Variants in PI16 observed in about 807,000 individuals in gnomAD.
PI16 encodes PSP94-binding protein.
In PI16, 35 loss-of-function variants were observed where a neutral mutation model predicts 38.0. The ratio of observed to expected loss-of-function variants is 0.92; its 90% CI spans 0.70 to 1.22. The LOEUF (loss-of-function observed/expected upper bound fraction) is 1.22. Among genes scored for constraint, PI16 ranks in the 50% most tolerant of loss-of-function variants. The pLI, the probability that PI16 is intolerant of heterozygous loss-of-function variation, is 0.00. For missense variants in PI16, 572 were observed against 593.8 expected (o/e 0.96, Z 0.38); for synonymous variants, 275 against 252.9 (o/e 1.09, Z -0.83).
Position 36,959,183 on chromosome 6 carries a change from CGCACG to C in PI16, c.214_218del (p.Arg72ValfsTer38), listed in dbSNP as rs1763282362. 1 of 1,610,924 alleles carries C rather than the reference CGCACG, an allele frequency of 6.2e-7. No homozygotes were observed. The highest frequency in any genetic ancestry group is 8.5e-7 in the Non-Finnish European group (1 of 1,179,278). On this transcript the variant is annotated frameshift_variant, in exon 2 of 7. Coordinates refer to ENST00000373674, the MANE Select transcript of PI16 (RefSeq NM_153370.3). LOFTEE classifies it high-confidence loss of function. ...AGCTGGCCGCCTTCGCCAAGGCCTACGCACGGCAGTGCGTGTGGGGCCACAACAAG... is the reference window on the plus strand; with the variant it reads ...AGCTGGCCGCCTTCGCCAAGGCCTACGCAGTGCGTGTGGGGCCACAACAAG...
At position 36,963,622 on chromosome 6, in the gene PI16, A is replaced by G. The variant is rs1461691790; in HGVS notation, c.1270+10A>G. ...CAGTCGTCCTTGCCAGGTAAGGCCC[A>G]TAGCATCTGTCCCACTTTCCTCCTG... is the stretch of plus-strand genomic sequence containing the variant. On this transcript the variant is annotated intron_variant, in intron 5 of 6. Coordinates refer to ENST00000373674, the MANE Select transcript of PI16 (RefSeq NM_153370.3). 1.2e-6 allele frequency: 2 copies of G among 1,610,876 alleles called. No homozygotes were observed. The highest frequency in any genetic ancestry group is 4.5e-5 in the East Asian group (2 of 44,860).
intron 2 of PI16, among the ~76,000 whole-genome samples, chr6:36,960,072 C>A (rs1024633646): frequency 6.6e-6 from 1 of 152,110 alleles, no homozygotes; most frequent in Non-Finnish European, 1.5e-5. Flanking sequence ...CCCTTAACTT[C>A]TCTCTGTGGC....
chr6:36,964,093 A>C lies in PI16; in HGVS notation c.*18+131A>C, dbSNP rs563023866. Reference sequence around the variant, plus strand: ...CCCCCCTTCACCCCAACTTCTGGCCAGATTCCAGGCCAGCACTCTTGTCCT... The same window carrying C: ...CCCCCCTTCACCCCAACTTCTGGCCCGATTCCAGGCCAGCACTCTTGTCCT... On this transcript the variant is annotated intron_variant, in intron 6 of 6. Transcript: ENST00000373674. The C allele has an allele frequency of 2.6e-6, 3 of 1,144,170 alleles. No individual in the cohort carries two copies. In the African/African-American group the frequency reaches 4.7e-5, roughly 18 times the overall value. The allele number at this position is 1,144,170 out of a possible 1,614,324, so 70.9% of individuals were successfully genotyped here. A position where few individuals can be genotyped will look rare whatever the true frequency, so the allele number is the denominator to read the frequency against.
At chr6:36,955,719 T>G (rs775220067) in intron 1 of PI16, among the ~76,000 whole-genome samples, 13 of 152,164 alleles carry the variant, frequency 8.5e-5, no homozygotes, top group Non-Finnish European at 1.9e-4. Flanking sequence ...TATGTCCTGG[T>G]GAAACACGCA....
rs1583240559 is a variant in PI16, at chr6:36,963,838, A to C, written c.1286A>C (p.Asp429Ala). Residue 429 changes from aspartate to alanine, a missense_variant, in exon 6 of 7, where the codon GAC becomes GCC. Asp to Ala is a moderately radical substitution (Grantham distance 126). Coordinates refer to ENST00000373674, the MANE Select transcript of PI16 (RefSeq NM_153370.3). ...CTTCCCACAGGTGCAGAGGGCCCTGACAAGCCTAGCGTCGTGTCAGGGCTG... is the reference window on the plus strand; with the variant it reads ...CTTCCCACAGGTGCAGAGGGCCCTGCCAAGCCTAGCGTCGTGTCAGGGCTG... ...QSSLPGAEGP[D>A]KPSVVSGLNS... The C allele has an allele frequency of 6.2e-7, 1 of 1,602,040 alleles. No homozygotes were observed.
At chr6:36,963,778 G>A (rs566535373) in intron 5 of PI16, 45 bp from the exon 6 acceptor site, 2 of 1,542,690 alleles carry the variant, frequency 1.3e-6, no homozygotes, top group African/African-American at 1.4e-5. Context: ...GGGACATCAG[G>A]CACAGCTGTC....
rs754397097 is a variant in PI16, at chr6:36,954,816, T to C, written c.56T>C (p.Val19Ala). The C allele has an allele frequency of 5.6e-6, 9 of 1,614,120 alleles. No homozygotes were observed. The highest frequency in any genetic ancestry group is 1.7e-4 in the Middle Eastern group (1 of 6,052). Residue 19 changes from valine (V) to alanine (A), a missense_variant, in exon 1 of 7, where the codon GTG (valine) becomes GCG (alanine). Val to Ala is a moderately conservative substitution (Grantham distance 64, BLOSUM62 0). Coordinates refer to ENST00000373674, the MANE Select transcript of PI16 (RefSeq NM_153370.3). ...CTGCTGCCGCTACTGCTACTGCTGG[T>C]GGCCACCACAGGCCCCGTTGGAGCC... ...MLLLPLLLLL[V>A]ATTGPVGALT...
chr6:36,961,793 G>C (rs1481699150), intron 3 of PI16, 93 bp from the exon 4 acceptor site: 1 of 1,152,514 alleles, frequency 8.7e-7, no homozygotes, highest in Non-Finnish European at 1.3e-6. Context: ...GGAGACCCAA[G>C]GGCATTTCCA....
chr6:36,963,026 G>A lies in PI16; in HGVS notation c.684G>A (p.Arg228=). The A allele has an allele frequency of 1.2e-6, 2 of 1,614,178 alleles. No homozygotes were observed. The highest frequency in any genetic ancestry group is 1.7e-6 in the Non-Finnish European group (2 of 1,180,024). The change falls in exon 5 of 7, where the codon AGG becomes AGA. Residue 228 remains arginine, a synonymous_variant. Coordinates refer to ENST00000373674, the MANE Select transcript of PI16 (RefSeq NM_153370.3). ...GGGCGACTGAAGCATCAGACTCTAG[G>A]AAAATGGGTACTCCTTCTTCCCTAG... is the stretch of plus-strand genomic sequence containing the variant. ...SFRATEASDS[R]KMGTPSSLAT...
chr6:36,963,509 C>CACTA lies in PI16; in HGVS notation c.1169_1170insTAAC (p.Gly391AsnfsTer20), dbSNP rs749653706. 6.2e-7 allele frequency: 1 copy of CACTA among 1,614,192 alleles called. No homozygotes were observed. The highest frequency in any genetic ancestry group is 2.2e-5 in the East Asian group (1 of 44,882). ...GTGAGCTGCAGGCCACACTGGACCA[C>CACTA]ACGGGGCACACCTCCTCCAAGTCCC... On this transcript the variant is annotated frameshift_variant, in exon 5 of 7. Transcript: ENST00000373674. LOFTEE classifies it high-confidence loss of function.
At chr6:36,960,485 C>T (rs1386862368) in intron 2 of PI16, among the ~76,000 whole-genome samples, 1 of 152,096 alleles carries the variant, frequency 6.6e-6, no homozygotes, top group Non-Finnish European at 1.5e-5. Flanking sequence ...CCACATCCAC[C>T]AATTCCATTT....
In PI16 at chr6:36,962,434, T is replaced by C. The variant is rs1763393950; in HGVS notation, c.592+460T>C. 6.6e-6 allele frequency among the ~76,000 whole-genome samples: 1 copy of C among 152,208 alleles called. No homozygotes were observed. Among genetic ancestry groups the C allele is most frequent in the African/African-American group, 2.4e-5 (1 of 41,442 alleles). ...ACCAGGAGGTGGCTAGAGGAGCAACTGTGTCAATCACCAGAAGTAACGTTT... is the reference window on the plus strand; with the variant it reads ...ACCAGGAGGTGGCTAGAGGAGCAACCGTGTCAATCACCAGAAGTAACGTTT... On this transcript the variant is annotated intron_variant, in intron 4 of 6. Coordinates refer to ENST00000373674, the MANE Select transcript of PI16 (RefSeq NM_153370.3). This position sits in a 1 kb window ranked among gnomAD's most constrained non-coding sequence, Gnocchi z 4.1.
chr6:36,959,392 G>T, intron 2 of PI16, 26 bp downstream of exon 2: 2 of 1,528,762 alleles, frequency 1.3e-6, no homozygotes, highest in Non-Finnish European at 1.8e-6. Context: ...GCGAGGCGGG[G>T]CGGAGCCTCG....
At position 36,961,894 on chromosome 6, in the gene PI16, T is replaced by C; in HGVS notation, c.512T>C (p.Val171Ala). The change falls in exon 4 of 7, where the codon GTG becomes GCG. Residue 171 changes from valine to alanine, a missense_variant. Coordinates refer to ENST00000373674, the MANE Select transcript of PI16 (RefSeq NM_153370.3). ...LVCNYEPPGN[V>A]KGKRPYQEGT... Reference sequence around the variant, plus strand: ...CTCCTGACCTCCTGTAGGGGGAACGTGAAGGGGAAACGGCCCTACCAGGAG... The same window carrying C: ...CTCCTGACCTCCTGTAGGGGGAACGCGAAGGGGAAACGGCCCTACCAGGAG... 1 of 1,613,710 alleles carries C rather than the reference T, an allele frequency of 6.2e-7. No homozygotes were observed. The highest frequency in any genetic ancestry group is 8.5e-7 in the Non-Finnish European group (1 of 1,179,830).
At chr6:36,960,325 A>ATGTGTGTGTGTGTGTGTGTGTGTG (rs10664545) in intron 2 of PI16, among the ~76,000 whole-genome samples, 14 of 139,920 alleles carry the variant, frequency 1.0e-4, no homozygotes, top group African/African-American at 2.1e-4. Flanking sequence ...TGCAGATAAG[A>ATGTGTGTGTGTGTGTGTGTGTGTG]TGTGTGTGTG....
intron 1 of PI16, chr6:36,948,474 T>C (rs1383462585): frequency 2.0e-5 from 3 of 152,224 alleles, no homozygotes; most frequent in Admixed American, 2.0e-4. Flanking sequence ...TTAAAAGTTT[T>C]TAGAAATAGA....
chr6:36,949,894 A>AT (rs36022394), upstream of PI16, among the ~76,000 whole-genome samples: 59 of 143,648 alleles, frequency 4.1e-4, no homozygotes, highest in Middle Eastern at 3.6e-3. Context: ...AAAGTTGGAT[A>AT]TTTTTTTTTT....
Position 36,962,390 on chromosome 6 carries a change from C to T in PI16, c.592+416C>T, listed in dbSNP as rs570532732. ...GAAGTCCCCTGAAAAAGGGCAAGTA[C>T]GAATGTAGAGAGACTTGGACCAGGA... On this transcript the variant is annotated intron_variant, in intron 4 of 6. Transcript: ENST00000373674. This position sits in a 1 kb window ranked among gnomAD's most constrained non-coding sequence, Gnocchi z 4.1. 6.6e-6 allele frequency among the ~76,000 whole-genome samples: 1 copy of T among 152,336 alleles called. No individual in the cohort carries two copies. The highest frequency in any genetic ancestry group is 1.5e-5 in the Non-Finnish European group (1 of 68,032).
upstream of PI16, among the ~76,000 whole-genome samples, chr6:36,952,359 C>T (rs1007058975): frequency 1.3e-5 from 2 of 152,176 alleles, no homozygotes; most frequent in African/African-American, 4.8e-5. Flanking sequence ...CTTTTGGTGT[C>T]ATATCCAAGA....
Sources: gnomAD v4.1 joint callset for allele counts (sites outside exome capture counted in the v4.1 genomes callset) on GRCh38, gnomAD v4.1.1 for gene constraint, Gnocchi (gnomAD v3.1) non-coding constraint, MANE v1.5 for transcripts, NCBI Gene and HGNC (gene_info 2026-07-23, HGNC 2026-07-21) for gene names.